The following SLC39A8 variants were observed in gnomAD, a reference collection of about 807,000 sequenced individuals.
SLC39A8 encodes solute carrier family 39 member 8.
A neutral mutation model predicts 40.4 loss-of-function variants in SLC39A8; 15 were observed. That is an observed-to-expected ratio of 0.37 (90% confidence interval 0.25 to 0.57). The LOEUF is 0.57. Ranked by LOEUF, SLC39A8 falls within the 20% of genes least tolerant of loss-of-function variation. The pLI is 0.75. For synonymous variants in SLC39A8, 223 were observed against 221.6 expected, an observed-to-expected ratio of 1.01 and a Z score of -0.06; for missense variants, 472 against 558.8, an observed-to-expected ratio of 0.84 and a Z score of 1.57.
intron 6 of SLC39A8, among the ~76,000 whole-genome samples, chr4:102,276,373 A>C (rs1732616515): frequency 6.6e-6 from 1 of 152,244 alleles, no homozygotes; most frequent in Non-Finnish European, 1.5e-5. Context: ...ACGCAAATAA[A>C]CTAGAAAATC....
chr4:102,298,786 A>T (rs938045881), intron 6 of SLC39A8, among the ~76,000 whole-genome samples: 2 of 122,330 alleles, frequency 1.6e-5, no homozygotes, highest in Non-Finnish European at 3.7e-5. Context: ...GTTCTGACTG[A>T]CTTCACAAAG....
chr4:102,304,961 T>C (rs770927513), intron 5 of SLC39A8, 28 bp downstream of exon 5: 9 of 1,571,610 alleles, frequency 5.7e-6, no homozygotes, highest in Admixed American at 1.8e-5. Flanking sequence ...GGGTAAAATA[T>C]TGGATGTTTT....
At chr4:102,290,739 T>C (rs566805872) in intron 6 of SLC39A8, among the ~76,000 whole-genome samples, 1 of 152,192 alleles carries the variant, frequency 6.6e-6, no homozygotes, top group South Asian at 2.1e-4. Flanking sequence ...TTATCATCGC[T>C]AGTCAACGTG....
intron 8 of SLC39A8, 75 bp from the exon 9 acceptor site, chr4:102,263,268 C>A (rs564183300): frequency 1.5e-6 from 2 of 1,300,800 alleles, no homozygotes; most frequent in Admixed American, 1.8e-5. Flanking sequence ...TAGAGGCATA[C>A]CTTGGAGACA....
chr4:102,290,202 T>C (rs754210426), intron 6 of SLC39A8, among the ~76,000 whole-genome samples: 14 of 152,172 alleles, frequency 9.2e-5, no homozygotes, highest in Admixed American at 2.0e-4. Flanking sequence ...TCAGTAGCAC[T>C]TTTTAGCAAT....
Position 102,315,824 on chromosome 4 carries a change from T to C in SLC39A8, c.226A>G (p.Thr76Ala). 1 of 1,607,204 alleles carries C rather than the reference T, an allele frequency of 6.2e-7. No homozygotes were observed. Among genetic ancestry groups the C allele is most frequent in the East Asian group, 2.2e-5 (1 of 44,754 alleles). The change falls in exon 3 of 9, where the codon ACT (threonine) becomes GCT (alanine). Residue 76 changes from threonine (T) to alanine (A), a missense_variant. By Grantham distance (58) the Thr-to-Ala change is moderately conservative (BLOSUM62 0). Around this residue, in one of 4 missense-constraint regions of SLC39A8, gnomAD observed 175 missense variants for 160.5 expected, o/e 1.09. Transcript: ENST00000356736. ...PGQLHFNQCL[T>A]AEEIFSLHGF... ...TGAAGGGAAAAGATCTCTTCAGCAG[T>C]TAAACACTGAAATAGAATAAACAAA...
At chr4:102,310,637 G>C (rs1734391560) in intron 3 of SLC39A8, among the ~76,000 whole-genome samples, 1 of 152,122 alleles carries the variant, frequency 6.6e-6, no homozygotes, top group Non-Finnish European at 1.5e-5. Flanking sequence ...ACACTGCATA[G>C]CTTCCCCTTC....
intron 2 of SLC39A8, among the ~76,000 whole-genome samples, chr4:102,334,440 G>T (rs576404624): frequency 2.6e-5 from 4 of 152,286 alleles, no homozygotes; most frequent in South Asian, 2.1e-4. Context: ...AAATAACTTT[G>T]CAAGGTTAAA....
intron 2 of SLC39A8, 64 bp downstream of exon 2, chr4:102,344,380 A>G (rs1190400187): frequency 8.4e-7 from 1 of 1,185,358 alleles, no homozygotes; most frequent in East Asian, 3.0e-5. Context: ...AAAACGGCTC[A>G]TATACAAAGT....
intron 2 of SLC39A8, among the ~76,000 whole-genome samples, chr4:102,333,934 T>G (rs1014200952): frequency 6.6e-6 from 1 of 152,126 alleles, no homozygotes. Flanking sequence ...CACAAACAGC[T>G]GCAAGCAAGG....
chr4:102,259,773 A>G (rs984630925), downstream of SLC39A8, among the ~76,000 whole-genome samples: 1 of 152,174 alleles, frequency 6.6e-6, no homozygotes, highest in African/African-American at 2.4e-5. Flanking sequence ...TCTTGCACTG[A>G]CTGGCTGTAA....
intron 2 of SLC39A8, among the ~76,000 whole-genome samples, chr4:102,326,593 G>A (rs566266003): frequency 4.0e-5 from 6 of 151,746 alleles, no homozygotes; most frequent in Non-Finnish European, 7.4e-5. Flanking sequence ...GCATGGAATG[G>A]GTTTATTGTT....
chr4:102,262,108 T>C lies in SLC39A8; in HGVS notation c.*936A>G. 4 of 985,910 alleles carry C rather than the reference T, an allele frequency of 4.1e-6. No homozygotes were observed. The highest frequency in any genetic ancestry group is 4.8e-6 in the Non-Finnish European group (4 of 829,814). The allele number at this position is 985,910 out of a possible 1,614,324, so 61.1% of individuals were successfully genotyped here. On this transcript the variant is annotated 3_prime_UTR_variant, in exon 9 of 9. Transcript: ENST00000356736. ...TTTTCCAGTTAATCTGTCCTTGATGTACAGCAGTCCAGCTGTTGTTTTGCA... is the reference window on the plus strand; with the variant it reads ...TTTTCCAGTTAATCTGTCCTTGATGCACAGCAGTCCAGCTGTTGTTTTGCA...
downstream of SLC39A8, among the ~76,000 whole-genome samples, chr4:102,257,556 T>C (rs1021029290): frequency 6.6e-6 from 1 of 152,170 alleles, no homozygotes; most frequent in Non-Finnish European, 1.5e-5. Flanking sequence ...CTCTCTTCAC[T>C]TCCTCCAGTC....
intron 3 of SLC39A8, among the ~76,000 whole-genome samples, chr4:102,309,233 C>T (rs564809935): frequency 5.3e-5 from 8 of 152,160 alleles, no homozygotes; most frequent in Admixed American, 5.2e-4. Context: ...CACACAAACA[C>T]ACACAAGTGC....
chr4:102,321,944 C>A (rs17278473), intron 2 of SLC39A8, among the ~76,000 whole-genome samples: 2 of 152,144 alleles, frequency 1.3e-5, no homozygotes, highest in East Asian at 3.9e-4. Flanking sequence ...AGTATATAAG[C>A]CCGAGTGAAT....
chr4:102,259,255 G>T (rs1731782862), downstream of SLC39A8, among the ~76,000 whole-genome samples: 3 of 152,050 alleles, frequency 2.0e-5, no homozygotes, highest in South Asian at 6.2e-4. Context: ...TCTTTCCTAT[G>T]ACCCCTAAGC....
intron 6 of SLC39A8, 85 bp from the exon 7 acceptor site, chr4:102,268,164 G>T: frequency 7.2e-7 from 1 of 1,388,762 alleles, no homozygotes; most frequent in Non-Finnish European, 1.0e-6. Context: ...TTGTGCTTGA[G>T]AAAAACAAAT....
chr4:102,315,305 C>T (rs556035460), intron 3 of SLC39A8, among the ~76,000 whole-genome samples: 1 of 152,032 alleles, frequency 6.6e-6, no homozygotes, highest in South Asian at 2.1e-4. Context: ...AACTGACAAG[C>T]TTTAAAATAA....
Sources: gnomAD v4.1 joint callset for allele counts (sites outside exome capture counted in the v4.1 genomes callset) on GRCh38, gnomAD v4.1.1 for gene constraint, gnomAD v4.1.1 regional missense constraint, MANE v1.5 for transcripts, NCBI Gene and HGNC (gene_info 2026-07-23, HGNC 2026-07-21) for gene names.